Variants in NRXN1 observed in about 807,000 individuals in gnomAD.
The protein encoded by NRXN1 is neurexin-1.
A neutral mutation model predicts 150.9 loss-of-function variants in NRXN1; 39 were observed. That is an observed-to-expected ratio of 0.26 (90% CI 0.20 to 0.34). The LOEUF is 0.34. Among genes scored for constraint, NRXN1 ranks in the 10% least tolerant of loss-of-function variants. NRXN1 has a pLI of 1.00. For synonymous variants in NRXN1, 924 were observed against 757.0 expected (o/e 1.22, Z -3.62); for missense variants, 1,815 against 1,949.9 (o/e 0.93, Z 1.30).
At chr2:49,924,045 C>G (rs1044768146) in intron 22 of NRXN1, among the ~76,000 whole-genome samples, 1 of 152,214 alleles carries the variant, frequency 6.6e-6, no homozygotes, top group African/African-American at 2.4e-5. Context: ...GTAACTCTGT[C>G]ACTACCTGAC....
intron 5 of NRXN1, among the ~76,000 whole-genome samples, chr2:50,886,848 G>C (rs1452055490): frequency 2.0e-5 from 3 of 151,230 alleles, no homozygotes; most frequent in East Asian, 1.9e-4. Flanking sequence ...CCAAAGTCTA[G>C]AATATTCAAA....
chr2:50,790,246 T>C (rs576836941), intron 5 of NRXN1, among the ~76,000 whole-genome samples: 41 of 152,276 alleles, frequency 2.7e-4, no homozygotes, highest in Non-Finnish European at 4.7e-4. Flanking sequence ...TTATCCACTC[T>C]GTTCATCCTC....
chr2:50,907,665 G>A (rs1431169210), intron 5 of NRXN1, among the ~76,000 whole-genome samples: 5 of 152,008 alleles, frequency 3.3e-5, no homozygotes, highest in African/African-American at 1.2e-4. Context: ...AGAATGGTCT[G>A]AGAGATGCAA....
intron 17 of NRXN1, among the ~76,000 whole-genome samples, chr2:50,413,353 T>C: frequency 6.6e-6 from 1 of 152,192 alleles, no homozygotes; most frequent in East Asian, 1.9e-4. Context: ...TCACAGATCA[T>C]CGGAGAAATG....
At chr2:50,687,339 A>C (rs1691383758) in intron 5 of NRXN1, among the ~76,000 whole-genome samples, 1 of 152,320 alleles carries the variant, frequency 6.6e-6, no homozygotes, top group African/African-American at 2.4e-5. Flanking sequence ...CTGTCTTCCT[A>C]CATAGATACT....
At chr2:49,996,835 A>G (rs1168956709) in intron 21 of NRXN1, among the ~76,000 whole-genome samples, 1 of 152,198 alleles carries the variant, frequency 6.6e-6, no homozygotes, top group Non-Finnish European at 1.5e-5. Context: ...TTAAGCCACT[A>G]TATTTTTGGT....
intron 5 of NRXN1, among the ~76,000 whole-genome samples, chr2:50,833,688 T>C (rs934724015): frequency 2.0e-5 from 3 of 152,180 alleles, no homozygotes; most frequent in African/African-American, 7.2e-5. Flanking sequence ...GGAAGTATTG[T>C]TGGGCATTGG....
chr2:50,114,937 G>C (rs1239136423), intron 18 of NRXN1, among the ~76,000 whole-genome samples: 2 of 151,724 alleles, frequency 1.3e-5, no homozygotes, highest in Non-Finnish European at 2.9e-5. Context: ...ATAATGGTTA[G>C]TACTAGTCAT....
At chr2:50,160,892 T>A (rs2059325048) in intron 18 of NRXN1, among the ~76,000 whole-genome samples, 1 of 152,084 alleles carries the variant, frequency 6.6e-6, no homozygotes, top group Admixed American at 6.6e-5. Context: ...ATACATATCT[T>A]TTTTTTAGAA....
intron 5 of NRXN1, among the ~76,000 whole-genome samples, chr2:50,691,751 T>C (rs1471027581): frequency 6.6e-6 from 1 of 152,098 alleles, no homozygotes; most frequent in East Asian, 1.9e-4. Context: ...AGTTAGTCAG[T>C]CTTCTTGTGG....
At chr2:50,127,354 T>A (rs1442011901) in intron 18 of NRXN1, among the ~76,000 whole-genome samples, 1 of 152,198 alleles carries the variant, frequency 6.6e-6, no homozygotes, top group Non-Finnish European at 1.5e-5. Context: ...ACATAAATCA[T>A]ATATAATCTA....
chr2:50,815,231 C>G (rs1392873173), intron 5 of NRXN1, among the ~76,000 whole-genome samples: 1 of 152,106 alleles, frequency 6.6e-6, no homozygotes, highest in South Asian at 2.1e-4. Context: ...GTACACAAGA[C>G]AAGACAGACA....
intron 17 of NRXN1, among the ~76,000 whole-genome samples, chr2:50,440,194 G>A (rs1028193595): frequency 6.6e-6 from 1 of 152,108 alleles, no homozygotes; most frequent in Non-Finnish European, 1.5e-5. Flanking sequence ...GGCATACACT[G>A]GGCATGAGGA....
intron 2 of NRXN1, among the ~76,000 whole-genome samples, chr2:51,021,592 C>T (rs58624935): frequency 0.22 from 33,149 of 151,556 alleles, 3,972 homozygotes; most frequent in Non-Finnish European, 0.28. Flanking sequence ...AAAAATATAA[C>T]CTACTTATGA....
chr2:50,138,650 T>C (rs2045005), intron 18 of NRXN1, among the ~76,000 whole-genome samples: 124,306 of 152,214 alleles, frequency 0.82, 51,236 homozygotes, highest in African/African-American at 0.93. Context: ...ATTACTTATT[T>C]TCCTTTCTCA....
chr2:50,347,290 G>A lies in NRXN1; in HGVS notation c.3365-110320C>T, dbSNP rs202004232. The A allele has an allele frequency of 4.3e-5, 55 of 1,287,614 alleles. No individual in the cohort carries two copies. Among genetic ancestry groups the A allele is most frequent in the Non-Finnish European group, 5.5e-5 (54 of 990,670 alleles). 79.8% of individuals were successfully genotyped at this position (1,287,614 alleles called of 1,614,324 possible). On this transcript the variant is annotated intron_variant, in intron 17 of 22. Coordinates refer to ENST00000401669, the MANE Select transcript of NRXN1 (RefSeq NM_001330078.2). The surrounding 1 kb of genome is among the most constrained non-coding windows in gnomAD (Gnocchi z 4.9). ...GAGAGATACTCCCAAAGAGTTTCGG[G>A]CGAGAGTGCGTGCCGGCGGGTGGGG...
intron 21 of NRXN1, among the ~76,000 whole-genome samples, chr2:49,945,895 A>G (rs994648052): frequency 2.7e-4 from 41 of 152,198 alleles, no homozygotes; most frequent in Admixed American, 2.4e-3. Flanking sequence ...TCCTTTGGGT[A>G]TATACCCAGT....
At chr2:50,555,739 A>T (rs762317799) in intron 8 of NRXN1, among the ~76,000 whole-genome samples, 18 of 152,190 alleles carry the variant, frequency 1.2e-4, no homozygotes, top group Non-Finnish European at 2.1e-4. Context: ...ATACAGCAGA[A>T]TATGGTATTG....
At position 50,485,803 on chromosome 2, in the gene NRXN1, A is replaced by G. The variant is rs375618712; in HGVS notation, c.3070+10102T>C. ...GATGAACCCAAGAATGCACCAGGAG[A>G]GGAGGAATTCGAGGGATCTGCCAGA... On this transcript the variant is annotated intron_variant, in intron 15 of 22. Coordinates refer to ENST00000401669, the MANE Select transcript of NRXN1 (RefSeq NM_001330078.2). 2.0e-5 allele frequency among the ~76,000 whole-genome samples: 3 copies of G among 152,194 alleles called. No individual in the cohort carries two copies. The South Asian group carries it at 6.2e-4, about 31-fold the overall frequency.
Sources: gnomAD v4.1 joint callset for allele counts (sites outside exome capture counted in the v4.1 genomes callset) on GRCh38, gnomAD v4.1.1 for gene constraint, Gnocchi (gnomAD v3.1) non-coding constraint, MANE v1.5 for transcripts, NCBI Gene and HGNC (gene_info 2026-07-23, HGNC 2026-07-21) for gene names.